ATP1B3: variants seen among roughly 807,000 people sequenced by gnomAD.
ATP1B3 encodes the protein ATPase Na+/K+ transporting subunit beta 3.
ATP1B3 carries 10 observed loss-of-function variants against 30.2 expected under a neutral mutation model. The observed-to-expected ratio is 0.33, with a 90% CI of 0.20 to 0.56. The LOEUF is 0.56. Among genes scored for constraint, ATP1B3 ranks in the 20% least tolerant of loss-of-function variants. The pLI, the probability that ATP1B3 is intolerant of heterozygous loss-of-function variation, is 0.90. For synonymous variants in ATP1B3, 113 were observed against 117.0 expected (o/e 0.97, Z 0.22); for missense variants, 238 against 336.7 (o/e 0.71, Z 2.29).
At position 141,923,811 on chromosome 3, in the gene ATP1B3, T is replaced by C. The variant is rs1239285731; in HGVS notation, c.670-1720T>C. ...TAAGTACGGGCCTTTTATGGCTTAT[T>C]TTATGTTCATTAGTTGGAGTTTGGT... On this transcript the variant is annotated intron_variant, in intron 6 of 6. Coordinates refer to ENST00000286371, the MANE Select transcript of ATP1B3 (RefSeq NM_001679.4). Among the ~76,000 whole-genome samples, 5 of 152,194 alleles carry C rather than the reference T, an allele frequency of 3.3e-5. No homozygotes were observed. In the East Asian group the frequency reaches 7.7e-4, roughly 23 times the overall value.
At chr3:141,905,700 T>G (rs1576396349) in intron 2 of ATP1B3, among the ~76,000 whole-genome samples, 1 of 152,204 alleles carries the variant, frequency 6.6e-6, no homozygotes, top group Admixed American at 6.5e-5. Flanking sequence ...AGCACTGTTT[T>G]TTTCTACCTC....
chr3:141,881,250 T>C (rs1421844280), intron 1 of ATP1B3, among the ~76,000 whole-genome samples: 1 of 152,074 alleles, frequency 6.6e-6, no homozygotes, highest in Non-Finnish European at 1.5e-5. Context: ...CATGATGTGT[T>C]GTCATTTAAT....
chr3:141,921,144 G>A (rs1934557586), intron 5 of ATP1B3, among the ~76,000 whole-genome samples: 1 of 152,100 alleles, frequency 6.6e-6, no homozygotes, highest in Non-Finnish European at 1.5e-5. Context: ...GCCCAGCACT[G>A]ATTTTAATCA....
At chr3:141,913,581 G>A in intron 3 of ATP1B3, 71 bp from the exon 4 acceptor site, 1 of 1,298,642 alleles carries the variant, frequency 7.7e-7, no homozygotes, top group Non-Finnish European at 1.0e-6. Flanking sequence ...TTTTCCAAAG[G>A]TTAATATATT....
chr3:141,908,292 G>A (rs868829506), intron 3 of ATP1B3, among the ~76,000 whole-genome samples: 4 of 151,936 alleles, frequency 2.6e-5, no homozygotes, highest in Non-Finnish European at 2.9e-5. Flanking sequence ...TTGCTTGGCC[G>A]AGCCATTTAT....
At chr3:141,922,626 T>C (rs532891883) in intron 6 of ATP1B3, among the ~76,000 whole-genome samples, 2 of 150,526 alleles carry the variant, frequency 1.3e-5, no homozygotes, top group South Asian at 4.2e-4. Context: ...ACACTCCAGG[T>C]TGGGTGACAG....
At chr3:141,890,753 A>G (rs1389306372) in intron 1 of ATP1B3, among the ~76,000 whole-genome samples, 3 of 150,764 alleles carry the variant, frequency 2.0e-5, no homozygotes, top group Non-Finnish European at 4.4e-5. Flanking sequence ...TTGTATTTTT[A>G]GTAGAGACTG....
chr3:141,890,074 C>CG (rs1428725802), intron 1 of ATP1B3, among the ~76,000 whole-genome samples: 2 of 134,524 alleles, frequency 1.5e-5, no homozygotes, highest in African/African-American at 2.8e-5. Flanking sequence ...TGCCTGTAAT[C>CG]TAATTTTTTT....
intron 5 of ATP1B3, among the ~76,000 whole-genome samples, chr3:141,920,923 T>C (rs953041815): frequency 6.6e-6 from 1 of 152,152 alleles, no homozygotes; most frequent in Non-Finnish European, 1.5e-5. Context: ...GTCTGGCCGG[T>C]GCCTTTCATC....
intron 1 of ATP1B3, 34 bp downstream of exon 1, chr3:141,876,944 CCTCGGTCCCGGGGGCGCCGGG>C (rs1933607700): frequency 6.6e-7 from 1 of 1,510,392 alleles, no homozygotes; most frequent in Non-Finnish European, 8.9e-7. Flanking sequence ...CCGGGGCCGG[CCTCGGTCCCGGGGGCGCCGGG>C]CGCGGTCTGG....
chr3:141,895,637 T>G (rs967975557), intron 1 of ATP1B3, among the ~76,000 whole-genome samples: 2 of 152,230 alleles, frequency 1.3e-5, no homozygotes, highest in African/African-American at 2.4e-5. Flanking sequence ...TTTGCAGTTT[T>G]CAGTGATTAT....
At chr3:141,889,326 G>GT (rs1355489246) in intron 1 of ATP1B3, among the ~76,000 whole-genome samples, 1 of 152,060 alleles carries the variant, frequency 6.6e-6, no homozygotes, top group Non-Finnish European at 1.5e-5. Flanking sequence ...TCTGATGAAT[G>GT]TTTAAATTGT....
At chr3:141,907,332 A>C in intron 3 of ATP1B3, 58 bp downstream of exon 3, 2 of 1,457,778 alleles carry the variant, frequency 1.4e-6, no homozygotes, top group Non-Finnish European at 1.9e-6. Context: ...TTAGTACCAA[A>C]TTGTGGGCCG....
rs1934661648 is a variant in ATP1B3, at chr3:141,926,352, AG to A, written c.*652del. The stretch of plus-strand genomic sequence containing the variant: ...GGAACTGCCTCTTATTTTAGGCTGT[AG>A]ATAAAATAGCATTTTTAGGTTAGCC... On this transcript the variant is annotated 3_prime_UTR_variant, in exon 7 of 7. Coordinates refer to ENST00000286371, the MANE Select transcript of ATP1B3 (RefSeq NM_001679.4). 1 of 152,120 alleles carries A rather than the reference AG, an allele frequency of 6.6e-6. No homozygotes were observed. The highest frequency in any genetic ancestry group is 1.5e-5 in the Non-Finnish European group (1 of 68,026). The allele number at this position is 152,120 out of a possible 1,614,324, so 9.4% of individuals were successfully genotyped here. A position where few individuals can be genotyped will look rare whatever the true frequency, so the allele number is the denominator to read the frequency against.
chr3:141,905,828 CAT>C (rs1484086178), intron 2 of ATP1B3, among the ~76,000 whole-genome samples: 1 of 152,042 alleles, frequency 6.6e-6, no homozygotes, highest in Non-Finnish European at 1.5e-5. Context: ...AATATATAAG[CAT>C]ATGTGTTAAA....
At chr3:141,898,733 G>A (rs1282319034) in intron 1 of ATP1B3, among the ~76,000 whole-genome samples, 1 of 152,106 alleles carries the variant, frequency 6.6e-6, no homozygotes. Flanking sequence ...TGACTCCCAG[G>A]TATATACCCA....
At chr3:141,909,133 C>T in intron 3 of ATP1B3, among the ~76,000 whole-genome samples, 1 of 152,224 alleles carries the variant, frequency 6.6e-6, no homozygotes, top group East Asian at 1.9e-4. Flanking sequence ...ACATTATCTA[C>T]TAGCTGTCTT....
intron 3 of ATP1B3, among the ~76,000 whole-genome samples, chr3:141,910,783 CT>C (rs67244663): frequency 0.025 from 3,785 of 150,110 alleles, 153 homozygotes; most frequent in African/African-American, 0.079. Flanking sequence ...CTGCCCCCCC[CT>C]TTTTTTTAAT....
At position 141,925,811 on chromosome 3, in the gene ATP1B3, G is replaced by A; in HGVS notation, c.*110G>A. On this transcript the variant is annotated 3_prime_UTR_variant, in exon 7 of 7. Transcript: ENST00000286371. ...AGACCACCTTGGAGAAAGGTGTGTG[G>A]TACATGACATTGGGTTACATCATAA... The A allele has an allele frequency of 6.8e-6, 9 of 1,329,870 alleles. No homozygotes were observed. Among genetic ancestry groups the A allele is most frequent in the Non-Finnish European group, 9.3e-6 (9 of 963,602 alleles). The allele number at this position is 1,329,870 out of a possible 1,614,324, so 82.4% of individuals were successfully genotyped here.
Sources: gnomAD v4.1 joint callset for allele counts (sites outside exome capture counted in the v4.1 genomes callset) on GRCh38, gnomAD v4.1.1 for gene constraint, MANE v1.5 for transcripts, NCBI Gene and HGNC (gene_info 2026-07-23, HGNC 2026-07-21) for gene names.